Variants in GFRA1 observed in about 807,000 individuals in gnomAD.
GFRA1 encodes the protein GDNF family receptor alpha-1.
Under a neutral mutation model 51.6 loss-of-function variants are expected in GFRA1, and 16 were observed. That is an observed-to-expected ratio of 0.31 (90% CI 0.21 to 0.47). The LOEUF is 0.47. Among genes scored for constraint, GFRA1 ranks in the 20% least tolerant of loss-of-function variants. The pLI, the probability that GFRA1 is intolerant of heterozygous loss-of-function variation, is 1.00. For synonymous variants in GFRA1, 270 were observed against 241.3 expected, an observed-to-expected ratio of 1.12 and a Z score of -1.10; for missense variants, 530 against 594.3, an observed-to-expected ratio of 0.89 and a Z score of 1.13.
At position 116,252,379 on chromosome 10, in the gene GFRA1, G is replaced by A. The variant is rs192011157; in HGVS notation, c.418+17124C>T. On this transcript the variant is annotated intron_variant, in intron 4 of 10. Transcript: ENST00000355422. ...AGGAACTTAATGAAGTTACCCTTCA[G>A]GTGGTAGGAACAGGGCACATGGAGG... Among the ~76,000 whole-genome samples the A allele has an allele frequency of 8.3e-3, 1,264 of 152,264 alleles. 17 individuals carry two copies. The highest frequency in any genetic ancestry group is 0.029 in the African/African-American group (1,194 of 41,554).
At chr10:116,140,680 A>G (rs1434796336) in intron 5 of GFRA1, among the ~76,000 whole-genome samples, 1 of 152,188 alleles carries the variant, frequency 6.6e-6, no homozygotes. Context: ...GAAAAAAAAA[A>G]CAAATGTCTA....
At chr10:116,083,702 G>A (rs1589772440) in intron 9 of GFRA1, among the ~76,000 whole-genome samples, 1 of 152,120 alleles carries the variant, frequency 6.6e-6, no homozygotes, top group Non-Finnish European at 1.5e-5. Context: ...TAGACTTTGG[G>A]GGTTTGCCCC....
At chr10:116,155,746 A>G (rs1049909488) in intron 5 of GFRA1, among the ~76,000 whole-genome samples, 2 of 152,214 alleles carry the variant, frequency 1.3e-5, no homozygotes, top group Non-Finnish European at 2.9e-5. Flanking sequence ...GTTGGGGTGT[A>G]AACAGCCCCT....
At position 116,080,431 on chromosome 10, in the gene GFRA1, C is replaced by A. The variant is rs1955800912; in HGVS notation, c.1197+9310G>T. Among the ~76,000 whole-genome samples the A allele has an allele frequency of 3.9e-5, 6 of 152,164 alleles. No individual in the cohort carries two copies. In the South Asian group the frequency reaches 1.0e-3, roughly 26 times the overall value. On this transcript the variant is annotated intron_variant, in intron 9 of 10. Transcript: ENST00000355422. ...CCTGGGTGATGGGTGCACCAAAAAT[C>A]TCACAAATCACCATTAAAGTACTTG...
chr10:116,225,812 C>A (rs113736369), intron 4 of GFRA1, among the ~76,000 whole-genome samples: 1 of 152,064 alleles, frequency 6.6e-6, no homozygotes, highest in Non-Finnish European at 1.5e-5. Flanking sequence ...TGGTCTCAAA[C>A]TCCTGGCTTC....
At chr10:116,125,182 T>C (rs1204153056) in intron 6 of GFRA1, 39 bp downstream of exon 6, 1 of 1,548,646 alleles carries the variant, frequency 6.5e-7, no homozygotes, top group East Asian at 2.2e-5. Flanking sequence ...AGACTTTCCC[T>C]GTCACCTCAT....
intron 8 of GFRA1, among the ~76,000 whole-genome samples, chr10:116,091,807 T>C (rs2530343): frequency 0.13 from 19,497 of 152,142 alleles, 1,460 homozygotes; most frequent in African/African-American, 0.2. Flanking sequence ...CTAGTCATAG[T>C]GGAAATGGAA....
chr10:116,150,798 G>A (rs118182875), intron 5 of GFRA1, among the ~76,000 whole-genome samples: 3,003 of 152,188 alleles, frequency 0.02, 44 homozygotes, highest in Middle Eastern at 0.058. Flanking sequence ...CATTGTTCCC[G>A]AACAGTTGTT....
At chr10:116,270,675 T>C (rs1843832527) in intron 3 of GFRA1, 147 bp downstream of exon 3, 1 of 662,460 alleles carries the variant, frequency 1.5e-6, no homozygotes, top group Non-Finnish European at 2.6e-6. Context: ...AAACACCAGC[T>C]GCCGTTGTCC....
At chr10:116,186,339 A>G (rs139034571) in intron 5 of GFRA1, among the ~76,000 whole-genome samples, 1 of 152,346 alleles carries the variant, frequency 6.6e-6, no homozygotes, top group Non-Finnish European at 1.5e-5. Flanking sequence ...CTCCCCAAGG[A>G]ACTAAGTGGC....
intron 6 of GFRA1, among the ~76,000 whole-genome samples, chr10:116,116,949 T>G (rs575616935): frequency 2.0e-5 from 3 of 152,334 alleles, no homozygotes; most frequent in Admixed American, 6.5e-5. Flanking sequence ...GAATTATCAT[T>G]CTGGCTGTCT....
intron 6 of GFRA1, among the ~76,000 whole-genome samples, chr10:116,117,408 C>T (rs1957452375): frequency 6.6e-6 from 1 of 152,024 alleles, no homozygotes; most frequent in African/African-American, 2.4e-5. Context: ...GCACTTTGTC[C>T]CTTCCTGCCA....
At chr10:116,145,198 C>A (rs866664920) in intron 5 of GFRA1, among the ~76,000 whole-genome samples, 1,349 of 101,006 alleles carry the variant, frequency 0.013, 19 homozygotes, top group African/African-American at 0.045. Context: ...ACAACAACAA[C>A]AAAAAATTCT....
At chr10:116,235,751 A>AT (rs2134596121) in intron 4 of GFRA1, among the ~76,000 whole-genome samples, 1 of 152,292 alleles carries the variant, frequency 6.6e-6, no homozygotes, top group African/African-American at 2.4e-5. Flanking sequence ...AGATGGGGTC[A>AT]TAAGGGTGTG....
intron 4 of GFRA1, among the ~76,000 whole-genome samples, chr10:116,263,615 A>T (rs1358129935): frequency 6.6e-6 from 1 of 152,192 alleles, no homozygotes; most frequent in Non-Finnish European, 1.5e-5. Flanking sequence ...TGTCTATGAT[A>T]CATGGTGGCT....
chr10:116,236,117 G>T (rs1264008020), intron 4 of GFRA1, among the ~76,000 whole-genome samples: 1 of 152,098 alleles, frequency 6.6e-6, no homozygotes, highest in African/African-American at 2.4e-5. Context: ...ATTCACCCTT[G>T]CTTTGGCGAT....
rs1954740402 is a variant in GFRA1, at chr10:116,060,227, A to G, written c.*4171T>C. On this transcript the variant is annotated 3_prime_UTR_variant, in exon 11 of 11. Coordinates refer to ENST00000355422, the MANE Select transcript of GFRA1 (RefSeq NM_005264.8). The stretch of plus-strand genomic sequence containing the variant: ...GAAGCAGAGCCGTGTCAAAGCCAAG[A>G]GGTGTCAGATATACACTTGAGATAT... The G allele has an allele frequency of 6.6e-6, 1 of 152,096 alleles. No homozygotes were observed. The highest frequency in any genetic ancestry group is 1.5e-5 in the Non-Finnish European group (1 of 68,044). 9.4% of individuals were successfully genotyped at this position (152,096 alleles called of 1,614,324 possible).
chr10:116,146,845 CTT>C (rs1416886525), intron 5 of GFRA1, among the ~76,000 whole-genome samples: 1 of 152,204 alleles, frequency 6.6e-6, no homozygotes, highest in African/African-American at 2.4e-5. Flanking sequence ...AAATCTCTCA[CTT>C]TTGCAAATTT....
At chr10:116,075,704 T>C (rs921419285) in intron 9 of GFRA1, among the ~76,000 whole-genome samples, 1 of 152,156 alleles carries the variant, frequency 6.6e-6, no homozygotes, top group African/African-American at 2.4e-5. Context: ...CATGATCACT[T>C]GTCAGGCATC....
Sources: gnomAD v4.1 joint callset for allele counts (sites outside exome capture counted in the v4.1 genomes callset) on GRCh38, gnomAD v4.1.1 for gene constraint, MANE v1.5 for transcripts, NCBI Gene and HGNC (gene_info 2026-07-23, HGNC 2026-07-21) for gene names.